The following KRT86 variants were observed in gnomAD, a reference collection of about 807,000 sequenced individuals.
The protein encoded by KRT86 is keratin, type II cuticular Hb6.
KRT86 carries 30 observed loss-of-function variants against 41.2 expected under a neutral mutation model. That is an observed-to-expected ratio of 0.73 (90% confidence interval 0.54 to 0.99). The LOEUF (loss-of-function observed/expected upper bound fraction) is 0.99. Among genes scored for constraint, KRT86 ranks in the 50% least tolerant of loss-of-function variants. KRT86 has a pLI of 0.00. For missense variants in KRT86, 561 were observed against 571.4 expected, an observed-to-expected ratio of 0.98 and a Z score of 0.19; for synonymous variants, 238 against 238.1, an observed-to-expected ratio of 1.00 and a Z score of 0.00.
rs779081505 is a variant in KRT86 at position 52,308,556 on chromosome 12, G to C, written c.1432G>C (p.Val478Leu). The C allele has an allele frequency of 2.5e-6, 4 of 1,599,694 alleles. No homozygotes were observed. In the South Asian group the frequency reaches 3.3e-5, roughly 13 times the overall value. ...NACAPSARVG[V>L]CGGSCKRC ...CTGCGCCCCCTCCGCCCGGGTTGGC[G>C]TCTGCGGCGGCAGCTGTAAGAGGTG... The change falls in exon 11 of 11, where the codon GTC becomes CTC. Residue 478 changes from valine (V) to leucine (L), a missense_variant. Val to Leu is a conservative substitution (Grantham distance 32). Coordinates refer to ENST00000423955, the MANE Select transcript of KRT86 (RefSeq NM_001320198.2).
At position 52,301,996 on chromosome 12, in the gene KRT86, T is replaced by C; in HGVS notation, c.80T>C (p.Ile27Thr). 6.2e-7 allele frequency: 1 copy of C among 1,612,756 alleles called. No homozygotes were observed. Among genetic ancestry groups the C allele is most frequent in the Non-Finnish European group, 8.5e-7 (1 of 1,179,440 alleles). ...ACGPRPGRCC[I>T]TAAPYRGISC... ...GGGCCCCGGCCCGGCCGCTGCTGCA[T>C]CACCGCCGCCCCCTACCGTGGCATC... The change falls in exon 3 of 11, where the codon ATC becomes ACC. Residue 27 changes from isoleucine (I) to threonine (T), a missense_variant. Physicochemically the swap from Ile to Thr is moderately conservative, Grantham distance 89. Around this residue, in one of 3 missense-constraint regions of KRT86, gnomAD observed 164 missense variants for 172.5 expected, o/e 0.95. Transcript: ENST00000423955.
Position 52,274,717 on chromosome 12 carries a change from T to C in KRT86, c.-136T>C, listed in dbSNP as rs1315931920. 2.0e-6 allele frequency: 2 copies of C among 985,256 alleles called. No homozygotes were observed. Among genetic ancestry groups the C allele is most frequent in the African/African-American group, 3.5e-5 (2 of 57,206 alleles). The allele number at this position is 985,256 out of a possible 1,614,324, so 61.0% of individuals were successfully genotyped here. On this transcript the variant is annotated 5_prime_UTR_variant, in exon 1 of 11. Transcript: ENST00000423955. Reference sequence around the variant, plus strand: ...GCTTGGAGGAGACCACAGTTCTTTCTCCATGGTGAGACTCATACACGTGGC... The same window carrying C: ...GCTTGGAGGAGACCACAGTTCTTTCCCCATGGTGAGACTCATACACGTGGC...
intron 2 of KRT86, chr12:52,286,533 A>G (rs752169758): frequency 1.1e-5 from 17 of 1,541,506 alleles, no homozygotes; most frequent in Non-Finnish European, 1.5e-5. Flanking sequence ...CTGAAGGGCA[A>G]GCCATCCTGC....
chr12:52,284,427 C>T (rs983383688), intron 2 of KRT86, among the ~76,000 whole-genome samples: 5 of 152,142 alleles, frequency 3.3e-5, no homozygotes, highest in African/African-American at 1.2e-4. Flanking sequence ...GGGGCTCAAG[C>T]GATCTTTTCA....
chr12:52,288,015 C>G (rs773592999), intron 2 of KRT86: 7 of 1,614,214 alleles, frequency 4.3e-6, no homozygotes, highest in Non-Finnish European at 5.9e-6. Flanking sequence ...GGCCTCGGCC[C>G]GGCTGCGGGT....
chr12:52,293,750 A>AC (rs1236350712), intron 2 of KRT86, among the ~76,000 whole-genome samples: 1 of 152,006 alleles, frequency 6.6e-6, no homozygotes, highest in African/African-American at 2.4e-5. Flanking sequence ...CCAGTGAACC[A>AC]CCCCCCACTC....
At chr12:52,292,354 A>G (rs1259075750) in intron 2 of KRT86, among the ~76,000 whole-genome samples, 1 of 152,236 alleles carries the variant, frequency 6.6e-6, no homozygotes, top group African/African-American at 2.4e-5. Flanking sequence ...AATAATTCCA[A>G]AGCACCACTT....
chr12:52,286,563 G>C (rs1476554712), intron 2 of KRT86: 1 of 1,447,762 alleles, frequency 6.9e-7, no homozygotes, highest in East Asian at 2.5e-5. Context: ...AACCGCCCCT[G>C]CCCAAGACCT....
intron 2 of KRT86, among the ~76,000 whole-genome samples, chr12:52,298,396 T>C (rs1202248101): frequency 1.3e-5 from 2 of 152,254 alleles, no homozygotes; most frequent in Non-Finnish European, 2.9e-5. Context: ...TTTCATTTAA[T>C]CCTTCTACAA....
intron 2 of KRT86, among the ~76,000 whole-genome samples, chr12:52,285,241 C>G (rs1937887754): frequency 6.6e-6 from 1 of 152,168 alleles, no homozygotes; most frequent in African/African-American, 2.4e-5. Flanking sequence ...GGGGCCCAGG[C>G]AGTCTGGCTG....
chr12:52,308,725 C>T lies in KRT86; in HGVS notation c.*140C>T. ...CACTCTAAGCGCCCTCCCCACCGCT[C>T]CGCTCCGGGAGCCATCCCCGGTCGC... On this transcript the variant is annotated 3_prime_UTR_variant, in exon 11 of 11. Transcript: ENST00000423955. 1.3e-6 allele frequency: 1 copy of T among 779,090 alleles called. No individual in the cohort carries two copies. The highest frequency in any genetic ancestry group is 2.5e-5 in the Admixed American group (1 of 39,494). The allele number at this position is 779,090 out of a possible 1,614,324, so 48.3% of individuals were successfully genotyped here.
chr12:52,304,777 G>T (rs1166159009), intron 5 of KRT86, among the ~76,000 whole-genome samples, 155 bp from the exon 6 acceptor site: 3 of 151,394 alleles, frequency 2.0e-5, no homozygotes, highest in Admixed American at 2.0e-4. Context: ...AGGATGCCAG[G>T]TCACCCCGGG....
rs578028063 is a variant in KRT86, at chr12:52,276,561, A to G, written c.-5+615A>G. Among the ~76,000 whole-genome samples, 4 of 146,624 alleles carry G rather than the reference A, an allele frequency of 2.7e-5. No individual in the cohort carries two copies. The South Asian group carries it at 6.8e-4, about 25-fold the overall frequency. On this transcript the variant is annotated intron_variant, in intron 2 of 10. Coordinates refer to ENST00000423955, the MANE Select transcript of KRT86 (RefSeq NM_001320198.2). ...GTAGAAGAGAAAAGGTGCTGAGTCA[A>G]TGTCGCCAGAGAAATGCAAGTCTGA... is the stretch of plus-strand genomic sequence containing the variant.
intron 2 of KRT86, chr12:52,287,234 T>A: frequency 6.2e-7 from 1 of 1,614,102 alleles, no homozygotes; most frequent in Non-Finnish European, 8.5e-7. Flanking sequence ...CAGGGCGCCC[T>A]CCAGCTCGGC....
At chr12:52,286,638 C>A in intron 2 of KRT86, 10 of 1,176,252 alleles carry the variant, frequency 8.5e-6, no homozygotes, top group Non-Finnish European at 1.1e-5. Context: ...AGTCCAAGAG[C>A]TGGGGTCTTT....
chr12:52,276,097 A>G (rs919968875), intron 2 of KRT86, among the ~76,000 whole-genome samples, 151 bp downstream of exon 2: 3 of 152,218 alleles, frequency 2.0e-5, no homozygotes, highest in African/African-American at 7.2e-5. Flanking sequence ...AGCTGCATGC[A>G]TATATCATGC....
chr12:52,294,729 T>C (rs1938210701), intron 2 of KRT86, among the ~76,000 whole-genome samples: 1 of 152,232 alleles, frequency 6.6e-6, no homozygotes, highest in African/African-American at 2.4e-5. Flanking sequence ...GTTCTGATTG[T>C]ACCCTACTCC....
At chr12:52,276,247 C>T (rs10876257) in intron 2 of KRT86, among the ~76,000 whole-genome samples, 37,844 of 152,136 alleles carry the variant, frequency 0.25, 5,760 homozygotes, top group East Asian at 0.4. Flanking sequence ...TTGTTTTTCT[C>T]GCTCAGTATT....
At chr12:52,302,847 G>A (rs991972944) in intron 3 of KRT86, among the ~76,000 whole-genome samples, 27 of 146,396 alleles carry the variant, frequency 1.8e-4, no homozygotes, top group Non-Finnish European at 1.5e-5. Context: ...GGGGTGGGGG[G>A]GGGGTCACTC....
Sources: gnomAD v4.1 joint callset for allele counts (sites outside exome capture counted in the v4.1 genomes callset) on GRCh38, gnomAD v4.1.1 for gene constraint, gnomAD v4.1.1 regional missense constraint, MANE v1.5 for transcripts, NCBI Gene and HGNC (gene_info 2026-07-23, HGNC 2026-07-21) for gene names.